The following RSU1 variants were observed in gnomAD, a reference collection of about 807,000 sequenced individuals.
RSU1 encodes Ras suppressor protein 1.
RSU1 carries 26 observed loss-of-function variants against 31.1 expected under a neutral mutation model. The ratio of observed to expected loss-of-function variants is 0.84; its 90% CI spans 0.61 to 1.16. The LOEUF (loss-of-function observed/expected upper bound fraction) is 1.16. RSU1 is among the 50% of genes most tolerant of loss of function. The pLI is 0.00. For synonymous variants in RSU1, 164 were observed against 136.3 expected (o/e 1.20, Z -1.41); for missense variants, 320 against 339.1 (o/e 0.94, Z 0.44).
chr10:16,791,991 A>T (rs1837927024), intron 2 of RSU1, among the ~76,000 whole-genome samples: 1 of 152,200 alleles, frequency 6.6e-6, no homozygotes, highest in Non-Finnish European at 1.5e-5. Flanking sequence ...TTACATCCAG[A>T]CAGATGAGGG....
At chr10:16,775,523 T>A (rs58088587) in intron 3 of RSU1, among the ~76,000 whole-genome samples, 26,084 of 149,434 alleles carry the variant, frequency 0.17, 2,264 homozygotes, top group Middle Eastern at 0.23. Context: ...GGAATGGGGG[T>A]GGGGGGTGGC....
intron 3 of RSU1, among the ~76,000 whole-genome samples, chr10:16,781,578 A>G (rs1837649671): frequency 6.6e-6 from 1 of 152,250 alleles, no homozygotes; most frequent in Admixed American, 6.5e-5. Context: ...TGCTCATGAA[A>G]TGCTCACCAA....
At chr10:16,651,360 CTTTG>C (rs1476499672) in intron 8 of RSU1, among the ~76,000 whole-genome samples, 2 of 152,264 alleles carry the variant, frequency 1.3e-5, no homozygotes, top group Admixed American at 6.5e-5. Context: ...TTCAAATGTA[CTTTG>C]TTTGAAAGAA....
intron 3 of RSU1, among the ~76,000 whole-genome samples, chr10:16,764,993 GAGA>G (rs1837284753): frequency 6.6e-6 from 1 of 151,402 alleles, no homozygotes; most frequent in African/African-American, 2.4e-5. Context: ...AATGGGGGGG[GAGA>G]AACAGAGCAA....
chr10:16,636,522 C>T (rs955311321), intron 8 of RSU1, among the ~76,000 whole-genome samples: 1 of 152,204 alleles, frequency 6.6e-6, no homozygotes, highest in Non-Finnish European at 1.5e-5. Flanking sequence ...GCAGTTGCCT[C>T]CTGTTTTCTG....
chr10:16,650,771 T>C (rs996839359), intron 8 of RSU1, among the ~76,000 whole-genome samples: 1 of 151,740 alleles, frequency 6.6e-6, no homozygotes. Flanking sequence ...TTAGCAGAGA[T>C]GAGGTTTCAC....
At chr10:16,771,684 A>G (rs1337617579) in intron 3 of RSU1, among the ~76,000 whole-genome samples, 1 of 152,250 alleles carries the variant, frequency 6.6e-6, no homozygotes, top group African/African-American at 2.4e-5. Context: ...ACAATAATGA[A>G]CTAATTACAT....
At chr10:16,791,561 G>A (rs1266028929) in intron 2 of RSU1, among the ~76,000 whole-genome samples, 3 of 151,506 alleles carry the variant, frequency 2.0e-5, no homozygotes, top group East Asian at 2.0e-4. Flanking sequence ...ACCAGGAGGC[G>A]GAGGTTGCAG....
At position 16,695,084 on chromosome 10, in the gene RSU1, C is replaced by T; in HGVS notation, c.670G>A (p.Asp224Asn). 1 of 1,611,202 alleles carries T rather than the reference C, an allele frequency of 6.2e-7. No homozygotes were observed. The highest frequency in any genetic ancestry group is 8.5e-7 in the Non-Finnish European group (1 of 1,179,374). ...TGGGACACGCCAAGCTGGAACTGGTCTGCAATGGGGGTCACCCAGGGATTG... is the reference window on the plus strand; with the variant it reads ...TGGGACACGCCAAGCTGGAACTGGTTTGCAATGGGGGTCACCCAGGGATTG... Reference protein sequence around the residue: ...ENNPWVTPIADQFQLGVSHVF... With the variant: ...ENNPWVTPIANQFQLGVSHVF... Residue 224 changes from aspartate (D) to asparagine (N), a missense_variant, in exon 8 of 9, where the codon GAC becomes AAC. Transcript: ENST00000345264.
intron 7 of RSU1, among the ~76,000 whole-genome samples, chr10:16,734,798 A>C (rs1028564144): frequency 6.6e-6 from 1 of 152,224 alleles, no homozygotes; most frequent in Admixed American, 6.5e-5. Context: ...CCTAACCCTC[A>C]ATATCTCAGA....
chr10:16,684,228 T>C (rs559893441), intron 8 of RSU1, among the ~76,000 whole-genome samples: 77 of 152,298 alleles, frequency 5.1e-4, no homozygotes, highest in Non-Finnish European at 8.7e-4. Flanking sequence ...GAAACATGTT[T>C]TGGGGTAAAC....
chr10:16,772,367 A>G (rs771902855), intron 3 of RSU1, among the ~76,000 whole-genome samples: 2 of 152,210 alleles, frequency 1.3e-5, no homozygotes, highest in African/African-American at 2.4e-5. Flanking sequence ...TAACTCCCAA[A>G]GCATCTTCAG....
chr10:16,800,914 T>C lies in RSU1; in HGVS notation c.109+16059A>G, dbSNP rs1838141872. 1.3e-5 allele frequency among the ~76,000 whole-genome samples: 2 copies of C among 149,372 alleles called. 1 individual carries two copies. The highest frequency in any genetic ancestry group is 1.3e-4 in the Admixed American group (2 of 14,974). On this transcript the variant is annotated intron_variant, in intron 2 of 8. Coordinates refer to ENST00000345264, the MANE Select transcript of RSU1 (RefSeq NM_012425.4). ...GTTGTGAGAAGAGAAAATGAAATCATATTAAATGCTCAATTAAAGCCACGG... is the reference window on the plus strand; with the variant it reads ...GTTGTGAGAAGAGAAAATGAAATCACATTAAATGCTCAATTAAAGCCACGG...
intron 7 of RSU1, among the ~76,000 whole-genome samples, chr10:16,704,419 T>C (rs962303319): frequency 2.6e-5 from 4 of 152,226 alleles, no homozygotes; most frequent in Non-Finnish European, 5.9e-5. Context: ...CTCAAGGTCA[T>C]GTGACTAGTA....
intron 2 of RSU1, among the ~76,000 whole-genome samples, chr10:16,791,335 T>A (rs1419465782): frequency 2.0e-5 from 3 of 151,120 alleles, no homozygotes; most frequent in African/African-American, 7.3e-5. Context: ...AAAATAAAAA[T>A]AAAAAATAAA....
intron 7 of RSU1, among the ~76,000 whole-genome samples, chr10:16,736,531 C>A (rs1298211237): frequency 6.6e-6 from 1 of 151,972 alleles, no homozygotes; most frequent in Non-Finnish European, 1.5e-5. Context: ...AAATTAACGA[C>A]CTGCTAGAAT....
chr10:16,691,378 A>T (rs1247344195), intron 8 of RSU1, among the ~76,000 whole-genome samples: 3 of 98,880 alleles, frequency 3.0e-5, no homozygotes, highest in Admixed American at 1.0e-4. Flanking sequence ...ATTTTTGTGC[A>T]GTTTTTTTTT....
intron 7 of RSU1, among the ~76,000 whole-genome samples, chr10:16,701,252 C>A (rs1564323124): frequency 6.6e-6 from 1 of 152,188 alleles, no homozygotes; most frequent in Admixed American, 6.5e-5. Flanking sequence ...AAACAGTATC[C>A]TTTAATTTAA....
At chr10:16,701,344 T>C (rs923303412) in intron 7 of RSU1, among the ~76,000 whole-genome samples, 4 of 152,196 alleles carry the variant, frequency 2.6e-5, no homozygotes, top group Admixed American at 6.5e-5. Context: ...AAAACCTAAG[T>C]GGAATGAGAA....
Sources: allele counts gnomAD v4.1 joint callset (sites outside exome capture counted in the v4.1 genomes callset), GRCh38; gene constraint gnomAD v4.1.1; transcripts MANE v1.5; gene names NCBI Gene and HGNC (gene_info 2026-07-23, HGNC 2026-07-21).